The following GPCPD1 variants were observed in gnomAD, a reference collection of about 807,000 sequenced individuals.
The protein encoded by GPCPD1 is glycerophosphocholine phosphodiesterase 1, also known as glycerophosphocholine phosphodiesterase GPCPD1.
GPCPD1 carries 29 observed loss-of-function variants against 89.2 expected under a neutral mutation model. The observed-to-expected ratio is 0.33, with a 90% confidence interval of 0.24 to 0.44. The LOEUF is 0.44. Among genes scored for constraint, GPCPD1 ranks in the 20% least tolerant of loss-of-function variants. GPCPD1 has a pLI of 1.00. For synonymous variants in GPCPD1, 258 were observed against 266.3 expected (o/e 0.97, Z 0.30); for missense variants, 594 against 808.9 (o/e 0.73, Z 3.22).
In GPCPD1 at chr20:5,602,523, C is replaced by T. The variant is rs570311904; in HGVS notation, c.49+1841G>A. 5.9e-5 allele frequency among the ~76,000 whole-genome samples: 9 copies of T among 152,354 alleles called. No homozygotes were observed. The East Asian group carries it at 1.7e-3, about 29-fold the overall frequency. ...AGATCATCTTGGCTAAGAATTTGAA[C>T]TTAGACTCACACATACTCTGCCAAT... On this transcript the variant is annotated intron_variant, in intron 2 of 19. Coordinates refer to ENST00000379019, the MANE Select transcript of GPCPD1 (RefSeq NM_019593.5).
intron 3 of GPCPD1, among the ~76,000 whole-genome samples, chr20:5,598,210 T>C (rs1979866430): frequency 6.9e-6 from 1 of 145,848 alleles, no homozygotes; most frequent in Non-Finnish European, 1.5e-5. Flanking sequence ...AACAAAAAAG[T>C]AATGCCATCT....
At chr20:5,600,562 G>A (rs1021013217) in intron 2 of GPCPD1, among the ~76,000 whole-genome samples, 13 of 145,204 alleles carry the variant, frequency 9.0e-5, no homozygotes, top group Non-Finnish European at 1.7e-4. Flanking sequence ...AGCCGGGTGC[G>A]GTGGCTCATG....
intron 6 of GPCPD1, among the ~76,000 whole-genome samples, chr20:5,581,162 G>A (rs1458952956): frequency 1.3e-5 from 2 of 152,118 alleles, no homozygotes; most frequent in East Asian, 3.9e-4. Context: ...ACAGGCATGA[G>A]CCACCTCACC....
chr20:5,599,535 C>T (rs184487423), intron 2 of GPCPD1, among the ~76,000 whole-genome samples: 2 of 152,120 alleles, frequency 1.3e-5, no homozygotes, highest in African/African-American at 4.8e-5. Flanking sequence ...AAAACAAAGA[C>T]TTATATAGTT....
chr20:5,578,424 T>C lies in GPCPD1; in HGVS notation c.661A>G (p.Thr221Ala). The change falls in exon 8 of 20, where the codon ACG (threonine) becomes GCG (alanine). Residue 221 changes from threonine (T) to alanine (A), a missense_variant. Thr to Ala is a moderately conservative substitution (Grantham distance 58, BLOSUM62 0). Coordinates refer to ENST00000379019, the MANE Select transcript of GPCPD1 (RefSeq NM_019593.5). ...AGTTCCAGGTTATCTGGTTCCATCG[T>C]CTGTATGCTGTACTCTGTCCAACGA... Reference protein sequence around the residue: ...PDRWTEYSIQTMEPDNLELIF... With the variant: ...PDRWTEYSIQAMEPDNLELIF... 6.2e-7 allele frequency: 1 copy of C among 1,613,978 alleles called. No homozygotes were observed. The highest frequency in any genetic ancestry group is 1.1e-5 in the South Asian group (1 of 91,078).
intron 14 of GPCPD1, among the ~76,000 whole-genome samples, chr20:5,565,647 A>G (rs1183279595): frequency 6.6e-6 from 1 of 152,334 alleles, no homozygotes; most frequent in East Asian, 1.9e-4. Context: ...TGTAGACCCA[A>G]GAGTGATTAT....
At chr20:5,560,354 TTAAAA>T (rs1986017074) in intron 16 of GPCPD1, among the ~76,000 whole-genome samples, 1 of 152,198 alleles carries the variant, frequency 6.6e-6, no homozygotes, top group Non-Finnish European at 1.5e-5. Flanking sequence ...ATTAATAAAG[TTAAAA>T]TAAAAGCTAA....
intron 3 of GPCPD1, 79 bp downstream of exon 3, chr20:5,598,646 T>C (rs1979905184): frequency 2.6e-6 from 2 of 778,794 alleles, no homozygotes; most frequent in East Asian, 2.6e-5. Context: ...AAAGAAAAAA[T>C]ACCAAGATAT....
intron 19 of GPCPD1, among the ~76,000 whole-genome samples, chr20:5,556,694 G>C (rs1568643486): frequency 6.6e-6 from 1 of 152,086 alleles, no homozygotes; most frequent in Non-Finnish European, 1.5e-5. Context: ...TTGACTCTCA[G>C]ATTAGTGGCT....
rs756436350 is a variant in GPCPD1, at chr20:5,573,952, T to G, written c.1019A>C (p.Glu340Ala). 4.0e-6 allele frequency: 6 copies of G among 1,515,722 alleles called. No homozygotes were observed. The highest frequency in any genetic ancestry group is 5.5e-6 in the Non-Finnish European group (6 of 1,090,260). 93.9% of individuals were successfully genotyped at this position (1,515,722 alleles called of 1,614,324 possible). The change falls in exon 11 of 20, where the codon GAA (glutamate) becomes GCA (alanine). Residue 340 changes from glutamate to alanine, a missense_variant. Physicochemically the swap from Glu to Ala is moderately radical, Grantham distance 107. Coordinates refer to ENST00000379019, the MANE Select transcript of GPCPD1 (RefSeq NM_019593.5). ...TTTAQLAKVQ[E>A]NTIASLRNAA... The stretch of plus-strand genomic sequence containing the variant: ...ATTTCTTAAAGAAGCAATAGTATTT[T>G]CTTGAACTTTAGCCAGCCTGAAAAG...
In GPCPD1 at chr20:5,598,749, A is replaced by C. The variant is rs959728469; in HGVS notation, c.122T>G (p.Leu41Arg). The C allele has an allele frequency of 5.0e-6, 8 of 1,610,060 alleles. No individual in the cohort carries two copies. The highest frequency in any genetic ancestry group is 2.2e-5 in the East Asian group (1 of 44,876). Reference sequence around the variant, plus strand: ...CCTTTCACCTGTGTCATTCTCTGGAAGAAGAGCCACAGCATTTTGAGGATT... The same window carrying C: ...CCTTTCACCTGTGTCATTCTCTGGACGAAGAGCCACAGCATTTTGAGGATT... ...NWNPQNAVALLPENDTGESML... is the reference protein window; with the variant it reads ...NWNPQNAVALRPENDTGESML... The change falls in exon 3 of 20, where the codon CTT (leucine) becomes CGT (arginine). Residue 41 changes from leucine to arginine, a missense_variant. Physicochemically the swap from Leu to Arg is moderately radical, Grantham distance 102 (BLOSUM62 -2). Coordinates refer to ENST00000379019, the MANE Select transcript of GPCPD1 (RefSeq NM_019593.5).
chr20:5,564,081 G>A (rs1410549451), intron 15 of GPCPD1, among the ~76,000 whole-genome samples: 9 of 152,020 alleles, frequency 5.9e-5, no homozygotes, highest in Admixed American at 2.0e-4. Context: ...AACTGGAGTC[G>A]GTGGAACAAA....
chr20:5,596,170 G>C, intron 3 of GPCPD1, among the ~76,000 whole-genome samples: 1 of 152,162 alleles, frequency 6.6e-6, no homozygotes, highest in South Asian at 2.1e-4. Context: ...AGGCTGAGGC[G>C]GGAGGGCAGC....
In GPCPD1 at chr20:5,593,501, C is replaced by T. The variant is rs549297934; in HGVS notation, c.147-90G>A. On this transcript the variant is annotated intron_variant, in intron 3 of 19. Transcript: ENST00000379019. ...AATTCACAAAACTCCTCAAATAAAA[C>T]GTATGACCAATATCACTTATTTATT... The T allele has an allele frequency of 2.4e-4, 175 of 723,366 alleles. 3 individuals are homozygous for T. The South Asian group carries it at 2.5e-3, about 11-fold the overall frequency. 44.8% of individuals were successfully genotyped at this position (723,366 alleles called of 1,614,324 possible). A position where few individuals can be genotyped will look rare whatever the true frequency, so the allele number is the denominator to read the frequency against.
At chr20:5,603,429 AGAAG>A (rs1281409510) in intron 2 of GPCPD1, among the ~76,000 whole-genome samples, 1 of 152,164 alleles carries the variant, frequency 6.6e-6, no homozygotes, top group African/African-American at 2.4e-5. Context: ...GGGAGAGAAG[AGAAG>A]GAACAGGGGG....
chr20:5,578,337 C>T (rs2122677788), intron 8 of GPCPD1, 43 bp downstream of exon 8: 2 of 1,137,902 alleles, frequency 1.8e-6, no homozygotes, highest in East Asian at 2.3e-5. Context: ...ATAAGCTTGT[C>T]CCTGCATTCT....
chr20:5,556,918 A>G (rs1985803055), intron 19 of GPCPD1, among the ~76,000 whole-genome samples: 1 of 152,232 alleles, frequency 6.6e-6, no homozygotes, highest in African/African-American at 2.4e-5. Flanking sequence ...AAAATGTAAC[A>G]CAGAATATGT....
rs541223787 is a variant in GPCPD1, at chr20:5,546,863, A to G, written c.*798T>C. The G allele has an allele frequency of 2.0e-5, 3 of 152,684 alleles. No homozygotes were observed. The South Asian group carries it at 6.2e-4, about 32-fold the overall frequency. 9.5% of individuals were successfully genotyped at this position (152,684 alleles called of 1,614,324 possible). On this transcript the variant is annotated 3_prime_UTR_variant, in exon 20 of 20. Coordinates refer to ENST00000379019, the MANE Select transcript of GPCPD1 (RefSeq NM_019593.5). ...CTCACCTAGCACCACAGATGCAAGG[A>G]CCTAACAGTAAACATGTACAATCTC...
chr20:5,569,027 C>A (rs528795955), intron 12 of GPCPD1, among the ~76,000 whole-genome samples: 1 of 152,284 alleles, frequency 6.6e-6, no homozygotes, highest in African/African-American at 2.4e-5. Flanking sequence ...ATGACTAAAA[C>A]AACCTGTTCC....
Sources: allele counts gnomAD v4.1 joint callset (sites outside exome capture counted in the v4.1 genomes callset), GRCh38; gene constraint gnomAD v4.1.1; transcripts MANE v1.5; gene names NCBI Gene and HGNC (gene_info 2026-07-23, HGNC 2026-07-21).